Variants in GRM1 observed in about 807,000 individuals in gnomAD.
GRM1 encodes the protein glutamate metabotropic receptor 1, also known as metabotropic glutamate receptor 1.
A neutral mutation model predicts 90.9 loss-of-function variants in GRM1; 33 were observed. That is an observed-to-expected ratio of 0.36 (90% CI 0.28 to 0.49). GRM1 has a LOEUF of 0.49. Ranked by LOEUF, GRM1 falls within the 20% of genes least tolerant of loss-of-function variation. The pLI is 0.99. For missense variants in GRM1, 1,190 were observed against 1,534.3 expected (o/e 0.78, Z 3.75); for synonymous variants, 700 against 613.2 (o/e 1.14, Z -2.09).
intron 2 of GRM1, among the ~76,000 whole-genome samples, chr6:146,263,545 G>T (rs924200163): frequency 6.6e-6 from 1 of 151,844 alleles, no homozygotes; most frequent in Non-Finnish European, 1.5e-5. Context: ...TAAACAATGC[G>T]CTGATAAATA....
intron 1 of GRM1, among the ~76,000 whole-genome samples, chr6:146,042,177 C>T (rs1264619210): frequency 6.6e-6 from 1 of 152,046 alleles, no homozygotes; most frequent in African/African-American, 2.4e-5. Context: ...AATTTCAACA[C>T]ATGGATTTTG....
intron 1 of GRM1, among the ~76,000 whole-genome samples, chr6:146,146,103 CTTTTTTTTTTTTTTTTTTT>C (rs35329703): frequency 0.014 from 288 of 19,990 alleles, 5 homozygotes; most frequent in African/African-American, 0.039. Flanking sequence ...ACCATTGTAT[CTTTTTTTTTTTTTTTTTTT>C]TTTTTTTTTT....
At chr6:146,037,661 T>G (rs2128839031) in intron 1 of GRM1, among the ~76,000 whole-genome samples, 1 of 152,066 alleles carries the variant, frequency 6.6e-6, no homozygotes, top group Admixed American at 6.6e-5. Flanking sequence ...TACCTTAGTT[T>G]TGGATGACTC....
intron 3 of GRM1, among the ~76,000 whole-genome samples, chr6:146,350,243 T>C (rs1236037454): frequency 6.6e-6 from 1 of 152,218 alleles, no homozygotes; most frequent in African/African-American, 2.4e-5. Flanking sequence ...AAATCTTAAA[T>C]AGTAGTTATA....
intron 2 of GRM1, among the ~76,000 whole-genome samples, chr6:146,197,218 T>C (rs1779152678): frequency 6.6e-6 from 1 of 152,222 alleles, no homozygotes; most frequent in Admixed American, 6.5e-5. Context: ...GAGTAGCAAC[T>C]GAAGAGAACA....
At chr6:146,220,072 T>C (rs1170310880) in intron 2 of GRM1, among the ~76,000 whole-genome samples, 1 of 152,152 alleles carries the variant, frequency 6.6e-6, no homozygotes, top group Non-Finnish European at 1.5e-5. Flanking sequence ...ATTACATGTG[T>C]GCGTGTGTCC....
chr6:146,159,641 T>TCTCACACACACACA, intron 2 of GRM1, 44 bp downstream of exon 2: 3 of 726,978 alleles, frequency 4.1e-6, no homozygotes, highest in Non-Finnish European at 6.4e-6. Context: ...TCTCTCTCTC[T>TCTCACACACACACA]CACACACACA....
intron 7 of GRM1, among the ~76,000 whole-genome samples, chr6:146,432,665 A>C (rs1163899706): frequency 1.3e-5 from 2 of 152,258 alleles, no homozygotes; most frequent in Non-Finnish European, 2.9e-5. Flanking sequence ...GAGAAAAAGC[A>C]AACTTCTAAA....
At chr6:146,413,320 A>T (rs1777636310) in intron 7 of GRM1, among the ~76,000 whole-genome samples, 1 of 152,134 alleles carries the variant, frequency 6.6e-6, no homozygotes, top group Non-Finnish European at 1.5e-5. Flanking sequence ...CTTTTTCTAT[A>T]AAGTCTAGTG....
In GRM1 at chr6:146,158,986, C is replaced by T. The variant is rs1017153823; in HGVS notation, c.701-362C>T. Among the ~76,000 whole-genome samples the T allele has an allele frequency of 4.6e-5, 7 of 152,334 alleles. No individual in the cohort carries two copies. In the South Asian group the frequency reaches 8.3e-4, roughly 18 times the overall value. ...AAGTCCTCAAATAAACAGAGCTTCT[C>T]TTCATGCTCCTTTGACCTCCCTAGT... On this transcript the variant is annotated intron_variant, in intron 1 of 7. Transcript: ENST00000282753.
chr6:146,305,065 T>C (rs1783526512), intron 3 of GRM1, among the ~76,000 whole-genome samples: 1 of 150,308 alleles, frequency 6.7e-6, no homozygotes, highest in Admixed American at 6.8e-5. Context: ...GAGCAAGTGA[T>C]ACGAGATAAC....
intron 2 of GRM1, among the ~76,000 whole-genome samples, chr6:146,209,961 A>C (rs941650348): frequency 2.0e-5 from 3 of 152,308 alleles, no homozygotes; most frequent in African/African-American, 7.2e-5. Flanking sequence ...AAGGAATCTC[A>C]AAGAGTAAGG....
chr6:146,380,011 A>G (rs1028648331), intron 5 of GRM1, among the ~76,000 whole-genome samples: 7 of 151,404 alleles, frequency 4.6e-5, no homozygotes, highest in Non-Finnish European at 7.4e-5. Flanking sequence ...GAGTGACACA[A>G]GTGCCCTTGT....
At chr6:146,212,404 T>C (rs1428686378) in intron 2 of GRM1, among the ~76,000 whole-genome samples, 1 of 152,226 alleles carries the variant, frequency 6.6e-6, no homozygotes, top group Non-Finnish European at 1.5e-5. Flanking sequence ...CATTGCCTTC[T>C]AATTCTCAGT....
chr6:146,288,832 T>C (rs1325564306), intron 2 of GRM1, among the ~76,000 whole-genome samples: 3 of 152,118 alleles, frequency 2.0e-5, no homozygotes, highest in Non-Finnish European at 4.4e-5. Context: ...TAATGGACTA[T>C]GTATACTACA....
intron 1 of GRM1, among the ~76,000 whole-genome samples, chr6:146,073,650 T>C (rs1468874107): frequency 6.6e-6 from 1 of 152,160 alleles, no homozygotes; most frequent in Admixed American, 6.6e-5. Context: ...TGTAGAGTGT[T>C]GTCTGCAAAA....
chr6:146,280,292 G>A (rs182879093), intron 2 of GRM1, among the ~76,000 whole-genome samples: 1 of 152,206 alleles, frequency 6.6e-6, no homozygotes, highest in African/African-American at 2.4e-5. Flanking sequence ...TCATAGCCCT[G>A]AGTTATCCAT....
intron 2 of GRM1, among the ~76,000 whole-genome samples, chr6:146,171,144 T>C (rs1406606986): frequency 6.6e-6 from 1 of 152,210 alleles, no homozygotes. Context: ...TAAAAATTTG[T>C]CTAGCTTAAG....
rs757023165 is a variant in GRM1 at position 146,029,304 on chromosome 6, C to T, written c.-214C>T. On this transcript the variant is annotated 5_prime_UTR_variant, in exon 1 of 8. Transcript: ENST00000282753. ...ACTCGAATTCCCTTACAAACGCCTC[C>T]AGCTTGTAGAGGCGGTCGTGGAGGA... The T allele has an allele frequency of 2.7e-5, 16 of 599,642 alleles. No homozygotes were observed. The highest frequency in any genetic ancestry group is 1.2e-4 in the Admixed American group (4 of 33,896). 37.1% of individuals were successfully genotyped at this position (599,642 alleles called of 1,614,324 possible). A position where few individuals can be genotyped will look rare whatever the true frequency, so the allele number is the denominator to read the frequency against.
Sources: allele counts gnomAD v4.1 joint callset (sites outside exome capture counted in the v4.1 genomes callset), GRCh38; gene constraint gnomAD v4.1.1; transcripts MANE v1.5; gene names NCBI Gene and HGNC (gene_info 2026-07-23, HGNC 2026-07-21).